Variants in FTCDNL1 observed in about 807,000 individuals in gnomAD.
FTCDNL1 encodes formiminotransferase cyclodeaminase N-terminal like.
Under a neutral mutation model 5.9 loss-of-function variants are expected in FTCDNL1, and 11 were observed. The observed-to-expected ratio is 1.87, with a 90% confidence interval of 1.18 to 3.10. The LOEUF is 3.10. Ranked by LOEUF, FTCDNL1 falls within the 30% of genes most tolerant of loss-of-function variation. The pLI is 0.00. For synonymous variants in FTCDNL1, 58 were observed against 24.8 expected, an observed-to-expected ratio of 2.34 and a Z score of -3.99; for missense variants, 115 against 65.5, an observed-to-expected ratio of 1.76 and a Z score of -2.61.
intron 3 of FTCDNL1, among the ~76,000 whole-genome samples, chr2:199,829,531 T>C (rs1437055619): frequency 1.3e-5 from 2 of 152,226 alleles, no homozygotes; most frequent in African/African-American, 4.8e-5. Context: ...CACAAATGTC[T>C]TTTCTAAGCC....
chr2:199,716,371 G>A, the FTCDNL1 span, among the ~76,000 whole-genome samples: 10,378 of 152,068 alleles, frequency 0.068, 851 homozygotes, highest in African/African-American at 0.2. Flanking sequence ...ATTTATATCC[G>A]GTTCCCTGTA....
chr2:199,683,348 C>A, the FTCDNL1 span, among the ~76,000 whole-genome samples: 1 of 151,956 alleles, frequency 6.6e-6, no homozygotes, highest in African/African-American at 2.4e-5. Flanking sequence ...ATGAAAGGAC[C>A]TACACTTACT....
At chr2:199,842,611 G>A (rs528856469) in intron 3 of FTCDNL1, among the ~76,000 whole-genome samples, 1 of 152,120 alleles carries the variant, frequency 6.6e-6, no homozygotes, top group Non-Finnish European at 1.5e-5. Context: ...CCCACTTTAA[G>A]AACCTCATCC....
At chr2:199,801,224 C>T (rs984541589) in intron 3 of FTCDNL1, among the ~76,000 whole-genome samples, 1 of 152,202 alleles carries the variant, frequency 6.6e-6, no homozygotes, top group Non-Finnish European at 1.5e-5. Context: ...AATGACTTCA[C>T]TAGACACGGA....
the FTCDNL1 span, among the ~76,000 whole-genome samples, chr2:199,681,526 C>T: frequency 6.6e-6 from 1 of 152,238 alleles, no homozygotes; most frequent in South Asian, 2.1e-4. Flanking sequence ...GTCTCTGAAG[C>T]CTCTGCATAA....
intron 3 of FTCDNL1, among the ~76,000 whole-genome samples, chr2:199,785,249 C>CGTTTTTTTTT (rs535762570): frequency 1.3e-5 from 1 of 76,866 alleles, no homozygotes; most frequent in Non-Finnish European, 2.2e-5. Context: ...TTCCAAATTC[C>CGTTTTTTTTT]TTTTTTTTTT....
intron 3 of FTCDNL1, among the ~76,000 whole-genome samples, chr2:199,844,744 C>T (rs1301008150): frequency 6.6e-6 from 1 of 152,074 alleles, no homozygotes; most frequent in Non-Finnish European, 1.5e-5. Context: ...GCTTTTTCCT[C>T]CCCAAAGTGG....
chr2:199,828,871 GA>G, intron 3 of FTCDNL1, among the ~76,000 whole-genome samples: 1 of 152,300 alleles, frequency 6.6e-6, no homozygotes, highest in East Asian at 1.9e-4. Flanking sequence ...TGGGAGTAAG[GA>G]GTCACTCTGC....
intron 3 of FTCDNL1, among the ~76,000 whole-genome samples, chr2:199,834,201 T>C (rs1702560242): frequency 6.6e-6 from 1 of 152,016 alleles, no homozygotes; most frequent in Non-Finnish European, 1.5e-5. Context: ...CACGTGACCA[T>C]GAGGAAGGTC....
chr2:199,736,721 G>C, the FTCDNL1 span, among the ~76,000 whole-genome samples: 1 of 152,168 alleles, frequency 6.6e-6, no homozygotes, highest in African/African-American at 2.4e-5. Context: ...GTGTCATTCG[G>C]CATCACAGTA....
At chr2:199,743,803 T>C in the FTCDNL1 span, among the ~76,000 whole-genome samples, 3 of 152,142 alleles carry the variant, frequency 2.0e-5, no homozygotes, top group Non-Finnish European at 4.4e-5. Flanking sequence ...TTGAAGGGAA[T>C]AGAAATTTCC....
intron 3 of FTCDNL1, among the ~76,000 whole-genome samples, chr2:199,826,253 C>T (rs1439195072): frequency 6.6e-6 from 1 of 152,144 alleles, no homozygotes; most frequent in Non-Finnish European, 1.5e-5. Flanking sequence ...CAGCTGTCTG[C>T]AATTGGAGAT....
intron 3 of FTCDNL1, among the ~76,000 whole-genome samples, chr2:199,832,422 A>T (rs570773677): frequency 1.3e-5 from 2 of 152,246 alleles, no homozygotes; most frequent in East Asian, 3.9e-4. Context: ...CATAACAGGC[A>T]CTCCAAGACT....
At chr2:199,707,091 G>C in the FTCDNL1 span, among the ~76,000 whole-genome samples, 1 of 152,176 alleles carries the variant, frequency 6.6e-6, no homozygotes, top group African/African-American at 2.4e-5. Context: ...ATATATCCCA[G>C]ATGATAATGG....
At chr2:199,674,558 T>C in the FTCDNL1 span, among the ~76,000 whole-genome samples, 1 of 152,210 alleles carries the variant, frequency 6.6e-6, no homozygotes, top group Non-Finnish European at 1.5e-5. Context: ...TTCAGTATTT[T>C]CTGTGTTTCT....
At chr2:199,808,099 A>C (rs1351830335), downstream of FTCDNL1, among the ~76,000 whole-genome samples, 6 of 152,140 alleles carry the variant, frequency 3.9e-5, no homozygotes, top group East Asian at 1.2e-3. Flanking sequence ...TTCTCTGGCC[A>C]TGTGACATAA....
chr2:199,678,489 T>C, the FTCDNL1 span, among the ~76,000 whole-genome samples: 1 of 152,122 alleles, frequency 6.6e-6, no homozygotes, highest in Non-Finnish European at 1.5e-5. Flanking sequence ...AATTTTTTAT[T>C]ATATAAGCCA....
At chr2:199,700,869 C>T in the FTCDNL1 span, among the ~76,000 whole-genome samples, 31 of 151,972 alleles carry the variant, frequency 2.0e-4, no homozygotes, top group Non-Finnish European at 4.3e-4. Flanking sequence ...CTTCCTTTCA[C>T]CATATACAAA....
chr2:199,791,594 T>C (rs1318141268), intron 3 of FTCDNL1, among the ~76,000 whole-genome samples: 1 of 152,128 alleles, frequency 6.6e-6, no homozygotes, highest in Non-Finnish European at 1.5e-5. Flanking sequence ...AAAACAAATA[T>C]GCTAAACACT....
Sources: allele counts gnomAD v4.1 joint callset (sites outside exome capture counted in the v4.1 genomes callset), GRCh38; gene constraint gnomAD v4.1.1; transcripts MANE v1.5; gene names NCBI Gene and HGNC (gene_info 2026-07-23, HGNC 2026-07-21).